The following TSNAX variants were observed in gnomAD, a reference collection of about 807,000 sequenced individuals.
TSNAX encodes the protein translin associated factor X, also known as translin-associated protein X.
Under a neutral mutation model 33.0 loss-of-function variants are expected in TSNAX, and 12 were observed. That is an observed-to-expected ratio of 0.36 (90% CI 0.23 to 0.59). The LOEUF (loss-of-function observed/expected upper bound fraction) is 0.59, where lower values mean the gene tolerates loss of function less well. TSNAX is among the 20% of genes least tolerant of loss of function. The pLI, the probability that TSNAX is intolerant of heterozygous loss-of-function variation, is 0.74. For synonymous variants in TSNAX, 110 were observed against 117.2 expected (o/e 0.94, Z 0.40); for missense variants, 267 against 341.3 (o/e 0.78, Z 1.72).
chr1:231,542,724 T>C, intron 4 of TSNAX, 113 bp downstream of exon 4: 1 of 1,269,780 alleles, frequency 7.9e-7, no homozygotes, highest in South Asian at 1.6e-5. Flanking sequence ...ATACTGGCTT[T>C]TAAAGAACTG....
At chr1:231,558,866 T>G (rs1660857895) in intron 4 of TSNAX, among the ~76,000 whole-genome samples, 1 of 152,196 alleles carries the variant, frequency 6.6e-6, no homozygotes, top group South Asian at 2.1e-4. Flanking sequence ...TATGGTTTGT[T>G]AAATTGTCCC....
At chr1:231,556,713 A>G (rs977911622) in intron 4 of TSNAX, among the ~76,000 whole-genome samples, 4 of 152,108 alleles carry the variant, frequency 2.6e-5, no homozygotes, top group Admixed American at 6.5e-5. Context: ...ATTGCCATGT[A>G]TAAGACAGGC....
intron 2 of TSNAX, among the ~76,000 whole-genome samples, chr1:231,530,078 T>C (rs1181622036): frequency 6.6e-6 from 1 of 152,224 alleles, no homozygotes; most frequent in Non-Finnish European, 1.5e-5. Context: ...CATGAACTTC[T>C]TGTGCTGCTT....
intron 2 of TSNAX, chr1:231,535,103 C>G: frequency 6.6e-6 from 1 of 152,146 alleles, no homozygotes; most frequent in Non-Finnish European, 1.5e-5. Flanking sequence ...CTGCCTGGCT[C>G]ATGAGCTAAG....
intron 4 of TSNAX, 96 bp downstream of exon 4, chr1:231,542,707 A>G (rs1424341399): frequency 7.4e-7 from 1 of 1,356,208 alleles, no homozygotes; most frequent in Non-Finnish European, 1.0e-6. Context: ...CACCTGATGA[A>G]ATAATAATAC....
chr1:231,556,323 A>C (rs1414102702), intron 4 of TSNAX, among the ~76,000 whole-genome samples: 8 of 152,186 alleles, frequency 5.3e-5, no homozygotes, highest in Admixed American at 5.2e-4. Context: ...GTACTTTTAA[A>C]ATTTGGAATA....
Position 231,529,343 on chromosome 1 carries a change from G to T in TSNAX, c.105G>T (p.Val35=), listed in dbSNP as rs1216635303. 1 of 1,614,130 alleles carries T rather than the reference G, an allele frequency of 6.2e-7. No homozygotes were observed. The highest frequency in any genetic ancestry group is 1.7e-5 in the Admixed American group (1 of 60,022). ...AGGATGTTAATTCATCTTCACCCGT[G>T]ATGTTGGCCTTTAAATGTAAGTTCT... ...EGKDVNSSSP[V]MLAFKSFQQE... Residue 35 remains valine, a synonymous_variant, in exon 2 of 6, where the codon GTG becomes GTT. Transcript: ENST00000366639.
At chr1:231,539,460 T>G (rs568230686) in intron 3 of TSNAX, among the ~76,000 whole-genome samples, 1 of 152,186 alleles carries the variant, frequency 6.6e-6, no homozygotes, top group Non-Finnish European at 1.5e-5. Context: ...AAGAAAGTTT[T>G]GGATTTTGGA....
chr1:231,542,510 A>C lies in TSNAX; in HGVS notation c.266A>C (p.Glu89Ala). 1 of 1,614,050 alleles carries C rather than the reference A, an allele frequency of 6.2e-7. No homozygotes were observed. The highest frequency in any genetic ancestry group is 1.3e-5 in the African/African-American group (1 of 75,058). ...SAPDMEDILT[E>A]SEIKLDGVRQ... ...CCTGATATGGAAGATATATTGACTG[A>C]ATCAGAAATTAAATTGGATGGTGTC... Residue 89 changes from glutamate to alanine, a missense_variant, in exon 4 of 6, where the codon GAA becomes GCA. By Grantham distance (107) the Glu-to-Ala change is moderately radical. Around this residue, in one of 2 missense-constraint regions of TSNAX, gnomAD observed 200 missense variants for 214.1 expected, o/e 0.93. Transcript: ENST00000366639.
chr1:231,549,148 G>A (rs560914885), intron 4 of TSNAX, among the ~76,000 whole-genome samples: 19 of 152,248 alleles, frequency 1.2e-4, no homozygotes, highest in Non-Finnish European at 2.5e-4. Context: ...GAATTGATGG[G>A]AGACTGGAGA....
chr1:231,536,034 A>T (rs1469683212), intron 2 of TSNAX: 4 of 152,154 alleles, frequency 2.6e-5, no homozygotes, highest in Non-Finnish European at 5.9e-5. Flanking sequence ...TCCTACTTTC[A>T]GTTCTCTTCC....
intron 4 of TSNAX, among the ~76,000 whole-genome samples, chr1:231,551,000 ATATTT>A (rs1402173452): frequency 6.6e-6 from 1 of 152,242 alleles, no homozygotes; most frequent in African/African-American, 2.4e-5. Context: ...ATAATTTGTT[ATATTT>A]TATATCACTT....
At chr1:231,554,752 G>A (rs914736189) in intron 4 of TSNAX, 1 of 152,192 alleles carries the variant, frequency 6.6e-6, no homozygotes, top group Non-Finnish European at 1.5e-5. Context: ...GGAATTTAGT[G>A]TGGAAAAATG....
chr1:231,541,781 A>C lies in TSNAX; in HGVS notation c.237-700A>C, dbSNP rs201132480. 9.2e-5 allele frequency among the ~76,000 whole-genome samples: 14 copies of C among 152,276 alleles called. No individual in the cohort carries two copies. The Middle Eastern group carries it at 0.01, about 111-fold the overall frequency. On this transcript the variant is annotated intron_variant, in intron 3 of 5. Coordinates refer to ENST00000366639, the MANE Select transcript of TSNAX (RefSeq NM_005999.3). ...ACTAAGGGGATTGTTCTGCCTGCTC[A>C]CTTTGGGCAATTCTTTTTCCAGCCT...
chr1:231,539,925 C>T (rs1410423721), intron 3 of TSNAX, among the ~76,000 whole-genome samples: 1 of 152,156 alleles, frequency 6.6e-6, no homozygotes, highest in Non-Finnish European at 1.5e-5. Context: ...AGGCTCATGC[C>T]TGTAATCCCA....
At chr1:231,530,524 C>G (rs1006614805) in intron 2 of TSNAX, among the ~76,000 whole-genome samples, 1 of 151,976 alleles carries the variant, frequency 6.6e-6, no homozygotes, top group Non-Finnish European at 1.5e-5. Context: ...GAAACCCTGA[C>G]TCTAATAAAG....
chr1:231,537,091 A>C, intron 2 of TSNAX, 122 bp from the exon 3 acceptor site: 1 of 613,230 alleles, frequency 1.6e-6, no homozygotes, highest in Non-Finnish European at 2.8e-6. Flanking sequence ...GTGGCCTCCC[A>C]AAGTGCTGAG....
intron 4 of TSNAX, among the ~76,000 whole-genome samples, chr1:231,559,691 A>G (rs548379364): frequency 2.0e-5 from 3 of 152,068 alleles, no homozygotes; most frequent in Non-Finnish European, 4.4e-5. Context: ...ACAAAATTGC[A>G]CTTGTGCCCT....
At chr1:231,545,963 CT>C (rs1659887402) in intron 4 of TSNAX, among the ~76,000 whole-genome samples, 1 of 152,188 alleles carries the variant, frequency 6.6e-6, no homozygotes, top group Non-Finnish European at 1.5e-5. Flanking sequence ...TCATTTACCT[CT>C]TAACTTTACA....
Sources: allele counts gnomAD v4.1 joint callset (sites outside exome capture counted in the v4.1 genomes callset), GRCh38; gene constraint gnomAD v4.1.1; regional missense constraint gnomAD v4.1.1; transcripts MANE v1.5; gene names NCBI Gene and HGNC (gene_info 2026-07-23, HGNC 2026-07-21).